PLCZ1: variants seen among roughly 807,000 people sequenced by gnomAD.
PLCZ1 encodes 1-phosphatidylinositol 4,5-bisphosphate phosphodiesterase zeta-1.
In PLCZ1, 64 loss-of-function variants were observed where a neutral mutation model predicts 76.8. The ratio of observed to expected loss-of-function variants is 0.83; its 90% CI spans 0.68 to 1.03. The LOEUF (loss-of-function observed/expected upper bound fraction) is 1.03, where lower values mean the gene tolerates loss of function less well. Among genes scored for constraint, PLCZ1 ranks in the 50% least tolerant of loss-of-function variants. PLCZ1 has a pLI of 0.00. For synonymous variants in PLCZ1, 248 were observed against 230.8 expected (o/e 1.07, Z -0.68); for missense variants, 751 against 713.7 (o/e 1.05, Z -0.60).
Position 18,701,735 on chromosome 12 carries a change from T to C in PLCZ1, c.906A>G (p.Gly302=), listed in dbSNP as rs1955958699. 6.2e-7 allele frequency: 1 copy of C among 1,612,128 alleles called. No individual in the cohort carries two copies. The highest frequency in any genetic ancestry group is 8.5e-7 in the Non-Finnish European group (1 of 1,179,262). ...TTCTTTCATGGGTTTCCTTTAAGGT[T>C]CCTATTTTCTTATTTTTAACTAATA... ...FKILVKNKKI[G]TLKETHERKG... The change falls in exon 8 of 15, where the codon GGA becomes GGG. Residue 302 remains glycine (G), a synonymous_variant. Coordinates refer to ENST00000266505, the MANE Select transcript of PLCZ1 (RefSeq NM_033123.4).
chr12:18,688,919 G>A (rs1953616998), intron 12 of PLCZ1, among the ~76,000 whole-genome samples: 1 of 151,872 alleles, frequency 6.6e-6, no homozygotes, highest in Admixed American at 6.6e-5. Flanking sequence ...GTTACATAAG[G>A]AGAAACAAAT....
At chr12:18,704,508 T>C (rs1256801165) in intron 7 of PLCZ1, among the ~76,000 whole-genome samples, 1 of 152,058 alleles carries the variant, frequency 6.6e-6, no homozygotes, top group East Asian at 1.9e-4. Flanking sequence ...GTATTTTTAG[T>C]AGAGACGGGG....
Position 18,684,138 on chromosome 12 carries a change from A to C in PLCZ1, c.1733T>G (p.Met578Arg), listed in dbSNP as rs758723831. Reference protein sequence around the residue: ...LGQYTLPLLCMNKGYRRIPLF... With the variant: ...LGQYTLPLLCRNKGYRRIPLF... ...ACTTTTAGGGACATTACCTTTGTTC[A>C]TGCATAGAAGTGGCAAAGTATATTG... The change falls in exon 14 of 15, where the codon ATG becomes AGG. Residue 578 changes from methionine to arginine, a missense_variant. By Grantham distance (91) the Met-to-Arg change is moderately conservative. Coordinates refer to ENST00000266505, the MANE Select transcript of PLCZ1 (RefSeq NM_033123.4). 11 of 1,611,556 alleles carry C rather than the reference A, an allele frequency of 6.8e-6. No homozygotes were observed. The African/African-American group carries it at 1.2e-4, about 18-fold the overall frequency.
chr12:18,682,898 G>T (rs1212142849), downstream of PLCZ1, among the ~76,000 whole-genome samples: 1 of 151,894 alleles, frequency 6.6e-6, no homozygotes, highest in Non-Finnish European at 1.5e-5. Context: ...CTTTTATACT[G>T]CTAAATATTT....
chr12:18,726,996 T>G (rs1444065099), intron 3 of PLCZ1, among the ~76,000 whole-genome samples: 1 of 152,136 alleles, frequency 6.6e-6, no homozygotes, highest in Non-Finnish European at 1.5e-5. Flanking sequence ...CAGTGCCCTC[T>G]GGAAGCAGAT....
At chr12:18,665,831 A>G in the PLCZ1 span, among the ~76,000 whole-genome samples, 3 of 151,430 alleles carry the variant, frequency 2.0e-5, no homozygotes, top group East Asian at 3.9e-4. Context: ...GGTACTTGGG[A>G]GGCTGAGGCA....
intron 13 of PLCZ1, among the ~76,000 whole-genome samples, chr12:18,687,011 C>G (rs1028770497): frequency 2.0e-5 from 3 of 151,994 alleles, no homozygotes; most frequent in African/African-American, 7.2e-5. Context: ...ATGGAGGGAA[C>G]AAGAGATAGA....
At chr12:18,680,242 T>C (rs1008398749), downstream of PLCZ1, among the ~76,000 whole-genome samples, 1 of 152,020 alleles carries the variant, frequency 6.6e-6, no homozygotes, top group African/African-American at 2.4e-5. Context: ...CCATTCTCTC[T>C]GCACTAACCA....
chr12:18,693,309 A>G, intron 12 of PLCZ1: 1 of 1,535,874 alleles, frequency 6.5e-7, no homozygotes, highest in East Asian at 2.3e-5. Flanking sequence ...GAAGGTGGAA[A>G]AGGCCCCCCA....
intron 10 of PLCZ1, among the ~76,000 whole-genome samples, chr12:18,697,084 A>G (rs1955169942): frequency 6.6e-6 from 1 of 152,040 alleles, no homozygotes; most frequent in South Asian, 2.1e-4. Context: ...TTTGAACACA[A>G]ATTTCATGCT....
chr12:18,653,389 C>T, the PLCZ1 span, among the ~76,000 whole-genome samples: 1 of 152,154 alleles, frequency 6.6e-6, no homozygotes, highest in South Asian at 2.1e-4. Context: ...ATATTATTTC[C>T]TAGCACAAAA....
intron 7 of PLCZ1, among the ~76,000 whole-genome samples, chr12:18,704,915 G>T (rs1956411417): frequency 6.6e-6 from 1 of 152,018 alleles, no homozygotes. Flanking sequence ...CTTTGATATT[G>T]TGGACCCATG....
At chr12:18,666,008 G>A in the PLCZ1 span, among the ~76,000 whole-genome samples, 4 of 151,112 alleles carry the variant, frequency 2.6e-5, no homozygotes, top group African/African-American at 4.9e-5. Context: ...CAAAGTCTTC[G>A]TATACTATTA....
At chr12:18,690,241 G>A (rs1468278512) in intron 12 of PLCZ1, among the ~76,000 whole-genome samples, 1 of 151,084 alleles carries the variant, frequency 6.6e-6, no homozygotes, top group Non-Finnish European at 1.5e-5. Context: ...TTGTTTCTTT[G>A]AGACGAACTT....
chr12:18,658,853 A>T, the PLCZ1 span, among the ~76,000 whole-genome samples: 1 of 152,212 alleles, frequency 6.6e-6, no homozygotes, highest in South Asian at 2.1e-4. Context: ...AAAGTGAATT[A>T]TTCTATTTGA....
intron 3 of PLCZ1, among the ~76,000 whole-genome samples, chr12:18,732,700 C>T (rs1736109777): frequency 6.6e-6 from 1 of 152,170 alleles, no homozygotes; most frequent in South Asian, 2.1e-4. Flanking sequence ...AGATTCCTCA[C>T]ATAAGTGGTG....
rs751155763 is a variant in PLCZ1 at position 18,719,495 on chromosome 12, A to G, written c.505T>C (p.Ser169Pro). 1 of 1,588,638 alleles carries G rather than the reference A, an allele frequency of 6.3e-7. No homozygotes were observed. Among genetic ancestry groups the G allele is most frequent in the East Asian group, 2.3e-5 (1 of 44,224 alleles). The change falls in exon 5 of 15, where the codon TCA becomes CCA. Residue 169 changes from serine to proline, a missense_variant. Ser to Pro is a moderately conservative substitution (Grantham distance 74, BLOSUM62 -1). Coordinates refer to ENST00000266505, the MANE Select transcript of PLCZ1 (RefSeq NM_033123.4). ...HPLNDYFISSSHNTYLVSDQL... is the reference protein window; with the variant it reads ...HPLNDYFISSPHNTYLVSDQL... ...TCAGATACCAAATATGTGTTATGTG[A>G]AGATGAAATAAAATAATCATTTAAT...
At chr12:18,673,715 G>C in the PLCZ1 span, among the ~76,000 whole-genome samples, 1 of 152,134 alleles carries the variant, frequency 6.6e-6, no homozygotes, top group East Asian at 1.9e-4. Context: ...GCTACAAAGG[G>C]TCTGCAGTCT....
downstream of PLCZ1, chr12:18,683,115 C>T (rs1952585969): frequency 3.6e-6 from 3 of 836,328 alleles, no homozygotes; most frequent in African/African-American, 1.7e-5. Flanking sequence ...AGTGAATGGG[C>T]TCAATATTTC....
Sources: allele counts gnomAD v4.1 joint callset (sites outside exome capture counted in the v4.1 genomes callset), GRCh38; gene constraint gnomAD v4.1.1; transcripts MANE v1.5; gene names NCBI Gene and HGNC (gene_info 2026-07-23, HGNC 2026-07-21).